The following PCDHGA10 variants were observed in gnomAD, a reference collection of about 807,000 sequenced individuals.
The protein encoded by PCDHGA10 is protocadherin gamma-A10.
In PCDHGA10, 42 loss-of-function variants were observed where a neutral mutation model predicts 59.5. The observed-to-expected ratio is 0.71, with a 90% CI of 0.55 to 0.91. The LOEUF is 0.91. Among genes scored for constraint, PCDHGA10 ranks in the 40% least tolerant of loss-of-function variants. PCDHGA10 has a pLI of 0.00. For missense variants in PCDHGA10, 1,111 were observed against 1,198.2 expected, an observed-to-expected ratio of 0.93 and a Z score of 1.07; for synonymous variants, 511 against 517.2, an observed-to-expected ratio of 0.99 and a Z score of 0.16.
chr5:141,441,840 C>T (rs2098278154), intron 1 of PCDHGA10: 1 of 355,864 alleles, frequency 2.8e-6, no homozygotes, highest in Non-Finnish European at 5.5e-6. Flanking sequence ...GCTTCGCGCT[C>T]TTGGATATGG....
At chr5:141,428,305 G>A (rs751498223) in intron 1 of PCDHGA10, 8 of 694,348 alleles carry the variant, frequency 1.2e-5, no homozygotes, top group African/African-American at 1.8e-5. Flanking sequence ...GATTTACCTG[G>A]TCGTGGCCTT....
rs182132552 is a variant in PCDHGA10 at position 141,435,146 on chromosome 5, T to A, written c.2436+19535T>A. Among the ~76,000 whole-genome samples the A allele has an allele frequency of 4.6e-3, 696 of 152,288 alleles. 5 individuals carry two copies. Among genetic ancestry groups the A allele is most frequent in the African/African-American group, 0.016 (677 of 41,554 alleles). ...ATGGAAAATATAAATAAAATTGTGA[T>A]AAACTTTTGTAAATAGAGTGGCTTT... On this transcript the variant is annotated intron_variant, in intron 1 of 3. Transcript: ENST00000398610.
At chr5:141,462,540 TTTC>T (rs2099042260) in intron 1 of PCDHGA10, among the ~76,000 whole-genome samples, 1 of 152,204 alleles carries the variant, frequency 6.6e-6, no homozygotes, top group East Asian at 1.9e-4. Flanking sequence ...TCAGTGATCT[TTTC>T]TTCTTCAGTG....
At chr5:141,418,381 T>C in intron 1 of PCDHGA10, 3 of 1,613,998 alleles carry the variant, frequency 1.9e-6, no homozygotes, top group Non-Finnish European at 2.5e-6. Flanking sequence ...AACTAAGTCC[T>C]AACGAGTATT....
Position 141,432,979 on chromosome 5 carries a change from TGTGGGC to T in PCDHGA10, c.2436+17373_2436+17378del. 1 of 1,614,228 alleles carries T rather than the reference TGTGGGC, an allele frequency of 6.2e-7. No individual in the cohort carries two copies. On this transcript the variant is annotated intron_variant, in intron 1 of 3. Coordinates refer to ENST00000398610, the MANE Select transcript of PCDHGA10 (RefSeq NM_018913.3). The surrounding 1 kb of genome is among the most constrained non-coding windows in gnomAD (Gnocchi z 6.0). ...TGACAGGAGCGCCGGCGTCGCACTTTGTGGGCGTGGACGGGGTGCAGGCTTTCCTGC... is the reference window on the plus strand; with the variant it reads ...TGACAGGAGCGCCGGCGTCGCACTTTGTGGACGGGGTGCAGGCTTTCCTGC...
chr5:141,461,228 A>C (rs1472527415), intron 1 of PCDHGA10, among the ~76,000 whole-genome samples: 1 of 151,976 alleles, frequency 6.6e-6, no homozygotes, highest in Non-Finnish European at 1.5e-5. Flanking sequence ...TTTTCCATAG[A>C]GGTTGTACTA....
intron 1 of PCDHGA10, chr5:141,479,290 T>C (rs1045200175): frequency 1.3e-5 from 2 of 152,438 alleles, no homozygotes; most frequent in Non-Finnish European, 2.9e-5. Flanking sequence ...AAAATAAATC[T>C]AGGCAACCCA....
intron 2 of PCDHGA10, among the ~76,000 whole-genome samples, chr5:141,501,528 A>G (rs1173385747): frequency 6.6e-6 from 1 of 151,978 alleles, no homozygotes; most frequent in Non-Finnish European, 1.5e-5. Context: ...GAAGCCCAGT[A>G]CGTTGTTGTG....
At chr5:141,457,071 C>T in intron 1 of PCDHGA10, among the ~76,000 whole-genome samples, 1 of 152,188 alleles carries the variant, frequency 6.6e-6, no homozygotes, top group Non-Finnish European at 1.5e-5. Context: ...TTGCCAGTAA[C>T]TATTATCCCT....
At chr5:141,465,522 G>A (rs1416012695) in intron 1 of PCDHGA10, among the ~76,000 whole-genome samples, 1 of 152,112 alleles carries the variant, frequency 6.6e-6, no homozygotes, top group Non-Finnish European at 1.5e-5. Context: ...AGGATTCTGG[G>A]GAAGTTTTCC....
rs1219684339 is a variant in PCDHGA10, at chr5:141,506,444, CAA to C, written c.2584+983_2584+984del. Among the ~76,000 whole-genome samples the C allele has an allele frequency of 5.9e-3, 564 of 95,004 alleles. 2 individuals carry two copies. The highest frequency in any genetic ancestry group is 0.013 in the African/African-American group (317 of 25,186). 62.3% of individuals were successfully genotyped at this position (95,004 alleles called of 152,430 possible). Reference sequence around the variant, plus strand: ...CCTGGGCAACAGTCTCGCTCTGTCTCAAAAAAAAAAAAAAAAAAAAAGAGCAC... The same window carrying C: ...CCTGGGCAACAGTCTCGCTCTGTCTCAAAAAAAAAAAAAAAAAAAGAGCAC... On this transcript the variant is annotated intron_variant, in intron 3 of 3. Transcript: ENST00000398610.
At position 141,485,275 on chromosome 5, in the gene PCDHGA10, G is replaced by A. The variant is rs77402299; in HGVS notation, c.2437-9532G>A. The A allele has an allele frequency of 8.7e-6, 14 of 1,613,954 alleles. No homozygotes were observed. In the African/African-American group the frequency reaches 1.1e-4, roughly 12 times the overall value. ...ACGTTTGTGGGCAGATCCGCTACCC[G>A]GTCCCAGAGGAGTCACAGGAAGGGA... On this transcript the variant is annotated intron_variant, in intron 1 of 3. Transcript: ENST00000398610. The surrounding 1 kb of genome is among the most constrained non-coding windows in gnomAD (Gnocchi z 5.7).
chr5:141,423,438 C>T lies in PCDHGA10; in HGVS notation c.2436+7827C>T, dbSNP rs2096741369. 5 of 1,613,942 alleles carry T rather than the reference C, an allele frequency of 3.1e-6. No homozygotes were observed. In the East Asian group the frequency reaches 8.9e-5, roughly 29 times the overall value. On this transcript the variant is annotated intron_variant, in intron 1 of 3. Transcript: ENST00000398610. Reference sequence around the variant, plus strand: ...CTGAAGGCGGGTTGGCAGGTATGCCCACGTCACATTTTGTAGGCGTGGACG... The same window carrying T: ...CTGAAGGCGGGTTGGCAGGTATGCCTACGTCACATTTTGTAGGCGTGGACG...
At chr5:141,475,813 T>C in intron 1 of PCDHGA10, 1 of 334,788 alleles carries the variant, frequency 3.0e-6, no homozygotes, top group East Asian at 5.5e-5. Flanking sequence ...GAAAGTGAAG[T>C]TCCTGGCGCT....
chr5:141,427,921 G>A (rs2097089596), intron 1 of PCDHGA10: 3 of 1,580,128 alleles, frequency 1.9e-6, no homozygotes, highest in African/African-American at 1.3e-5. Flanking sequence ...AACATGAGCC[G>A]GCGCATGTTG....
intron 1 of PCDHGA10, among the ~76,000 whole-genome samples, chr5:141,465,137 GGGGA>G (rs2099097662): frequency 2.0e-5 from 3 of 151,520 alleles, no homozygotes; most frequent in Non-Finnish European, 4.4e-5. Context: ...AAAAAGTTTA[GGGGA>G]TATATGAAGG....
intron 1 of PCDHGA10, among the ~76,000 whole-genome samples, chr5:141,458,298 A>G (rs2098942125): frequency 6.6e-6 from 1 of 152,178 alleles, no homozygotes; most frequent in African/African-American, 2.4e-5. Context: ...ATGCTGGTTT[A>G]GATAAAATGA....
In PCDHGA10 at chr5:141,511,259, A is replaced by G; in HGVS notation, c.*86A>G. On this transcript the variant is annotated 3_prime_UTR_variant, in exon 4 of 4. Transcript: ENST00000398610. ...ACCTGCACCCAGGCCTCAGAGTTTCAGGGCTAACCCCCAGAATACTGGTAG... is the reference window on the plus strand; with the variant it reads ...ACCTGCACCCAGGCCTCAGAGTTTCGGGGCTAACCCCCAGAATACTGGTAG... 1.3e-6 allele frequency: 2 copies of G among 1,559,840 alleles called. No individual in the cohort carries two copies. The highest frequency in any genetic ancestry group is 1.7e-6 in the Non-Finnish European group (2 of 1,152,466).
chr5:141,482,885 A>G (rs1353686606), intron 1 of PCDHGA10, among the ~76,000 whole-genome samples: 2 of 152,202 alleles, frequency 1.3e-5, no homozygotes. Flanking sequence ...CAGCCTGGCC[A>G]ACATGGTGAA....
Sources: allele counts gnomAD v4.1 joint callset (sites outside exome capture counted in the v4.1 genomes callset), GRCh38; gene constraint gnomAD v4.1.1; non-coding constraint Gnocchi (gnomAD v3.1); transcripts MANE v1.5; gene names NCBI Gene and HGNC (gene_info 2026-07-23, HGNC 2026-07-21).